PLPP1: variants seen among roughly 807,000 people sequenced by gnomAD.
PLPP1 encodes the protein phospholipid phosphatase 1, also known as lipid phosphate phosphohydrolase 1a.
PLPP1 carries 24 observed loss-of-function variants against 31.2 expected under a neutral mutation model. The ratio of observed to expected loss-of-function variants is 0.77; its 90% CI spans 0.56 to 1.08. The LOEUF is 1.08. Among genes scored for constraint, PLPP1 ranks in the 50% least tolerant of loss-of-function variants. The pLI is 0.00. For missense variants in PLPP1, 319 were observed against 342.7 expected (o/e 0.93, Z 0.55); for synonymous variants, 146 against 126.3 (o/e 1.16, Z -1.05).
intron 3 of PLPP1, among the ~76,000 whole-genome samples, chr5:55,462,235 C>T (rs962303484): frequency 6.6e-6 from 1 of 152,144 alleles, no homozygotes; most frequent in Non-Finnish European, 1.5e-5. Flanking sequence ...AAAAGCTTCC[C>T]ATTACACCTC....
chr5:55,450,202 T>A (rs373683151), intron 3 of PLPP1, among the ~76,000 whole-genome samples: 2 of 152,178 alleles, frequency 1.3e-5, no homozygotes, highest in Non-Finnish European at 2.9e-5. Context: ...TCTATTTTAG[T>A]CATTAATTCC....
chr5:55,522,599 T>C (rs1246065272), intron 1 of PLPP1, among the ~76,000 whole-genome samples: 2 of 152,166 alleles, frequency 1.3e-5, no homozygotes, highest in African/African-American at 4.8e-5. Flanking sequence ...ATACTCAAAA[T>C]GGTAAGCAGA....
intron 1 of PLPP1, among the ~76,000 whole-genome samples, chr5:55,521,737 A>G (rs1050223581): frequency 6.6e-5 from 10 of 151,982 alleles, no homozygotes; most frequent in Non-Finnish European, 7.4e-5. Flanking sequence ...CATGGGTTAT[A>G]TTTTTCCCTT....
intron 1 of PLPP1, among the ~76,000 whole-genome samples, chr5:55,500,958 T>C (rs991781267): frequency 6.6e-6 from 1 of 152,176 alleles, no homozygotes; most frequent in Non-Finnish European, 1.5e-5. Context: ...TCTGAAAAAG[T>C]CCTACCTATA....
intron 1 of PLPP1, among the ~76,000 whole-genome samples, chr5:55,511,655 T>TTG (rs1554041536): frequency 1.1e-5 from 1 of 88,044 alleles, no homozygotes; most frequent in African/African-American, 4.2e-5. Context: ...GTTGAGTTTT[T>TTG]TTTTTTTTTT....
At chr5:55,469,400 G>A (rs1752373064) in intron 2 of PLPP1, among the ~76,000 whole-genome samples, 1 of 151,552 alleles carries the variant, frequency 6.6e-6, no homozygotes, top group Non-Finnish European at 1.5e-5. Flanking sequence ...TGAGGCGGGA[G>A]AATCAATTGA....
At chr5:55,464,181 C>T (rs1579941355) in intron 3 of PLPP1, among the ~76,000 whole-genome samples, 1 of 148,648 alleles carries the variant, frequency 6.7e-6, no homozygotes, top group East Asian at 2.0e-4. Flanking sequence ...GATATTTGTT[C>T]AAGAAAAAAT....
At chr5:55,458,996 T>C (rs1246622113) in intron 3 of PLPP1, among the ~76,000 whole-genome samples, 1 of 150,000 alleles carries the variant, frequency 6.7e-6, no homozygotes, top group Non-Finnish European at 1.5e-5. Flanking sequence ...GATTTTTCAG[T>C]CTGGATTAAA....
rs557729112 is a variant in PLPP1 at position 55,528,135 on chromosome 5, A to C, written c.58+6437T>G. Among the ~76,000 whole-genome samples the C allele has an allele frequency of 7.2e-5, 11 of 152,308 alleles. No homozygotes were observed. In the East Asian group the frequency reaches 1.4e-3, roughly 19 times the overall value. On this transcript the variant is annotated intron_variant, in intron 1 of 5. Transcript: ENST00000307259. Reference sequence around the variant, plus strand: ...TTTGTCAGTTCCAGCTAAATCTTCTAGATATTGTGGGACTGCCCGCAAATA... The same window carrying C: ...TTTGTCAGTTCCAGCTAAATCTTCTCGATATTGTGGGACTGCCCGCAAATA...
chr5:55,437,308 T>G lies in PLPP1; in HGVS notation c.549+4543A>C, dbSNP rs560492927. On this transcript the variant is annotated intron_variant, in intron 4 of 5. Transcript: ENST00000307259. ...GATTTTGCCTTTCCTTGACTAATCT[T>G]GTTAACACTTCTTAACTGTAAAATG... Among the ~76,000 whole-genome samples the G allele has an allele frequency of 1.6e-4, 25 of 152,344 alleles. No homozygotes were observed. The East Asian group carries it at 3.5e-3, about 21-fold the overall frequency.
Position 55,496,854 on chromosome 5 carries a change from C to T in PLPP1, c.59-21404G>A, listed in dbSNP as rs548210067. Among the ~76,000 whole-genome samples, 66 of 152,252 alleles carry T rather than the reference C, an allele frequency of 4.3e-4. No homozygotes were observed. In the South Asian group the frequency reaches 7.9e-3, roughly 18 times the overall value. On this transcript the variant is annotated intron_variant, in intron 1 of 5. Transcript: ENST00000307259. ...CTCTTCCATTTTATTAAATATATGT[C>T]ATACATACTTCCTCAAATATGTGCT...
chr5:55,487,438 C>CA (rs10622738), intron 1 of PLPP1, among the ~76,000 whole-genome samples: 10,178 of 147,740 alleles, frequency 0.069, 490 homozygotes, highest in Middle Eastern at 0.12. Context: ...AACCCAAAAA[C>CA]AAAAAAAAAA....
At chr5:55,511,725 G>A (rs1410035016) in intron 1 of PLPP1, among the ~76,000 whole-genome samples, 3 of 136,598 alleles carry the variant, frequency 2.2e-5, no homozygotes, top group Admixed American at 7.9e-5. Context: ...GTGCAGTGGC[G>A]CGATCTCTGC....
At chr5:55,456,832 C>T (rs11748353) in intron 3 of PLPP1, among the ~76,000 whole-genome samples, 2 of 152,136 alleles carry the variant, frequency 1.3e-5, no homozygotes, top group Non-Finnish European at 2.9e-5. Context: ...CTCCTTGCTT[C>T]AGAACCCCAA....
chr5:55,529,765 AT>A (rs1164025494), intron 1 of PLPP1, among the ~76,000 whole-genome samples: 2 of 53,390 alleles, frequency 3.7e-5, no homozygotes, highest in Non-Finnish European at 1.3e-4. Flanking sequence ...TTGTTAGATT[AT>A]ATCACATCGT....
At chr5:55,533,293 TA>T (rs1222720596) in intron 1 of PLPP1, among the ~76,000 whole-genome samples, 1 of 146,788 alleles carries the variant, frequency 6.8e-6, no homozygotes, top group Non-Finnish European at 1.5e-5. Context: ...CAAGACAGGA[TA>T]ATCACTTGGA....
intron 3 of PLPP1, among the ~76,000 whole-genome samples, chr5:55,451,592 C>T (rs918164825): frequency 3.3e-5 from 5 of 150,724 alleles, no homozygotes; most frequent in Non-Finnish European, 5.9e-5. Context: ...GACAGAGTCT[C>T]ACTCTGTCGC....
intron 1 of PLPP1, among the ~76,000 whole-genome samples, chr5:55,529,170 CAACCCCCT>C (rs1740569946): frequency 6.6e-6 from 1 of 151,956 alleles, no homozygotes; most frequent in African/African-American, 2.4e-5. Flanking sequence ...ATAAACACTT[CAACCCCCT>C]ATTGCTTGTC....
chr5:55,529,210 A>T (rs1740571549), intron 1 of PLPP1, among the ~76,000 whole-genome samples: 1 of 151,930 alleles, frequency 6.6e-6, no homozygotes, highest in Admixed American at 6.6e-5. Context: ...TCCTTATAGA[A>T]ACTCTATATA....
Sources: allele counts gnomAD v4.1 joint callset (sites outside exome capture counted in the v4.1 genomes callset), GRCh38; gene constraint gnomAD v4.1.1; transcripts MANE v1.5; gene names NCBI Gene and HGNC (gene_info 2026-07-23, HGNC 2026-07-21).